The following RBFOX1 variants were observed in gnomAD, a reference collection of about 807,000 sequenced individuals.
RBFOX1 encodes RNA binding protein fox-1 homolog 1.
Under a neutral mutation model 57.7 loss-of-function variants are expected in RBFOX1, and 8 were observed. The observed-to-expected ratio is 0.14, with a 90% CI of 0.08 to 0.25. RBFOX1 has a LOEUF of 0.25. RBFOX1 is among the 10% of genes least tolerant of loss of function. The pLI, the probability that RBFOX1 is intolerant of heterozygous loss-of-function variation, is 1.00. For missense variants in RBFOX1, 611 were observed against 548.5 expected (o/e 1.11, Z -1.14); for synonymous variants, 326 against 222.4 (o/e 1.47, Z -4.15).
At chr16:7,321,997 C>G (rs2096551832) in intron 4 of RBFOX1, among the ~76,000 whole-genome samples, 1 of 152,234 alleles carries the variant, frequency 6.6e-6, no homozygotes, top group South Asian at 2.1e-4. Context: ...ACATCTCTGT[C>G]TTGTCTGCAA....
At chr16:5,824,273 A>G (rs17189619) in intron 3 of RBFOX1, among the ~76,000 whole-genome samples, 19,828 of 152,264 alleles carry the variant, frequency 0.13, 1,503 homozygotes, top group Non-Finnish European at 0.16. Flanking sequence ...AGAGCCCACC[A>G]TGATGACAGC....
At chr16:5,421,800 C>T (rs1427579080) in intron 1 of RBFOX1, among the ~76,000 whole-genome samples, 1 of 152,030 alleles carries the variant, frequency 6.6e-6, no homozygotes, top group Non-Finnish European at 1.5e-5. Context: ...CTAAGAAACC[C>T]AATAGAAAAA....
chr16:6,144,756 C>G (rs1056690521), intron 1 of RBFOX1, among the ~76,000 whole-genome samples: 5 of 152,188 alleles, frequency 3.3e-5, no homozygotes, highest in Non-Finnish European at 1.5e-5. Flanking sequence ...GCACAGTCCT[C>G]TGAGCAATAG....
At chr16:5,349,090 A>G (rs2065205487) in intron 1 of RBFOX1, among the ~76,000 whole-genome samples, 1 of 152,196 alleles carries the variant, frequency 6.6e-6, no homozygotes, top group African/African-American at 2.4e-5. Flanking sequence ...GTTATCTGCA[A>G]TGGAGTATTA....
intron 1 of RBFOX1, among the ~76,000 whole-genome samples, chr16:6,230,465 C>G (rs879617832): frequency 1.3e-5 from 2 of 152,130 alleles, no homozygotes; most frequent in Non-Finnish European, 2.9e-5. Flanking sequence ...CGTTCTAAAA[C>G]TTTTGCTTTT....
At chr16:5,553,946 C>G (rs1266312734) in intron 2 of RBFOX1, among the ~76,000 whole-genome samples, 2 of 149,948 alleles carry the variant, frequency 1.3e-5, no homozygotes, top group Non-Finnish European at 3.0e-5. Flanking sequence ...TTATAATAAT[C>G]AATACTTTCT....
intron 2 of RBFOX1, among the ~76,000 whole-genome samples, chr16:5,548,309 A>C (rs1042307282): frequency 6.6e-6 from 1 of 150,624 alleles, no homozygotes; most frequent in African/African-American, 2.4e-5. Flanking sequence ...GATCATTTGT[A>C]CTGCAAACTT....
intron 4 of RBFOX1, among the ~76,000 whole-genome samples, chr16:7,222,017 C>G (rs943344475): frequency 3.9e-5 from 6 of 152,168 alleles, no homozygotes; most frequent in African/African-American, 1.4e-4. Context: ...CATTATTAGC[C>G]AGCCTGTCAG....
At chr16:7,157,165 C>G (rs908065872) in intron 4 of RBFOX1, among the ~76,000 whole-genome samples, 1 of 152,190 alleles carries the variant, frequency 6.6e-6, no homozygotes, top group East Asian at 1.9e-4. Flanking sequence ...GCAAACTCAC[C>G]TGAGCATCGT....
chr16:6,199,916 G>A lies in RBFOX1; in HGVS notation c.-126-117079G>A, dbSNP rs202159405. Among the ~76,000 whole-genome samples, 18 of 152,258 alleles carry A rather than the reference G, an allele frequency of 1.2e-4. No individual in the cohort carries two copies. In the East Asian group the frequency reaches 2.9e-3, roughly 24 times the overall value. Reference sequence around the variant, plus strand: ...ACATAAGTTATGTCCTGGACTGTGCGAACACTCATGAGCACAGCCAGAAAC... The same window carrying A: ...ACATAAGTTATGTCCTGGACTGTGCAAACACTCATGAGCACAGCCAGAAAC... On this transcript the variant is annotated intron_variant, in intron 1 of 15. Coordinates refer to ENST00000550418, the MANE Select transcript of RBFOX1 (RefSeq NM_018723.4).
chr16:7,448,249 G>C (rs533674502), intron 4 of RBFOX1, among the ~76,000 whole-genome samples: 2 of 152,128 alleles, frequency 1.3e-5, no homozygotes, highest in Admixed American at 6.5e-5. Context: ...TCAAGGTGTA[G>C]GCAAGGTGGA....
chr16:6,755,914 C>G (rs2075713994), intron 3 of RBFOX1, among the ~76,000 whole-genome samples: 1 of 152,026 alleles, frequency 6.6e-6, no homozygotes, highest in South Asian at 2.1e-4. Context: ...GCACTTTTTC[C>G]ATGTAGAAAC....
At chr16:6,802,643 C>T (rs372432228) in intron 3 of RBFOX1, among the ~76,000 whole-genome samples, 5 of 152,180 alleles carry the variant, frequency 3.3e-5, no homozygotes, top group South Asian at 4.1e-4. Flanking sequence ...TGCTACTGTA[C>T]TCCAGCCTGG....
rs1208252289 is a variant in RBFOX1, at chr16:7,492,979, A to G, written c.28-25168A>G. Among the ~76,000 whole-genome samples, 5 of 152,096 alleles carry G rather than the reference A, an allele frequency of 3.3e-5. No individual in the cohort carries two copies. In the South Asian group the frequency reaches 1.0e-3, roughly 32 times the overall value. ...CTGCAACCTCCGCCTCCCAGGTTCA[A>G]GCGATTCTCCTGCCTCAGCCTGCCG... On this transcript the variant is annotated intron_variant, in intron 4 of 15. Coordinates refer to ENST00000550418, the MANE Select transcript of RBFOX1 (RefSeq NM_018723.4).
intron 2 of RBFOX1, among the ~76,000 whole-genome samples, chr16:6,492,729 C>T (rs942454586): frequency 4.6e-5 from 7 of 152,112 alleles, no homozygotes. Context: ...GAGGAAATAC[C>T]TAAGTAGGGT....
At chr16:7,088,109 A>G (rs1214380668) in intron 4 of RBFOX1, among the ~76,000 whole-genome samples, 2 of 152,174 alleles carry the variant, frequency 1.3e-5, no homozygotes, top group Non-Finnish European at 2.9e-5. Flanking sequence ...TTTCAGTTGC[A>G]AAAAGGAATG....
chr16:6,084,673 C>T lies in RBFOX1; in HGVS notation c.-127+64681C>T, dbSNP rs574336359. ...GTAAGCCTGCTCTCTCTCTCGTTTT[C>T]TATGATGCTCTATCGGGATTCCTTG... On this transcript the variant is annotated intron_variant, in intron 1 of 15. Coordinates refer to ENST00000550418, the MANE Select transcript of RBFOX1 (RefSeq NM_018723.4). Among the ~76,000 whole-genome samples the T allele has an allele frequency of 1.9e-3, 291 of 152,258 alleles. 2 individuals carry two copies. Among genetic ancestry groups the T allele is most frequent in the African/African-American group, 6.8e-3 (281 of 41,554 alleles).
intron 4 of RBFOX1, among the ~76,000 whole-genome samples, chr16:7,082,022 G>A (rs2059278226): frequency 6.6e-6 from 1 of 152,194 alleles, no homozygotes; most frequent in Non-Finnish European, 1.5e-5. Flanking sequence ...AGTGGAAGAA[G>A]CGATTGAATT....
intron 3 of RBFOX1, among the ~76,000 whole-genome samples, chr16:6,743,255 A>G (rs1306457812): frequency 2.0e-5 from 3 of 152,206 alleles, no homozygotes; most frequent in Non-Finnish European, 2.9e-5. Context: ...ACAAGACACA[A>G]AAAAGAGGAA....
Sources: gnomAD v4.1 joint callset for allele counts (sites outside exome capture counted in the v4.1 genomes callset) on GRCh38, gnomAD v4.1.1 for gene constraint, MANE v1.5 for transcripts, NCBI Gene and HGNC (gene_info 2026-07-23, HGNC 2026-07-21) for gene names.